Variants in DMXL1 observed in about 807,000 individuals in gnomAD.
The protein encoded by DMXL1 is Dmx like 1, also known as dmX-like protein 1.
In DMXL1, 99 loss-of-function variants were observed where a neutral mutation model predicts 319.2. The ratio of observed to expected loss-of-function variants is 0.31; its 90% CI spans 0.26 to 0.37. The LOEUF is 0.37. Among genes scored for constraint, DMXL1 ranks in the 10% least tolerant of loss-of-function variants. The probability of loss-of-function intolerance (pLI) is 1.00; values close to 1 mark genes in which losing one functional copy is unlikely to be tolerated. For missense variants in DMXL1, 3,745 were observed against 3,595.6 expected (o/e 1.04, Z -1.06); for synonymous variants, 1,385 against 1,235.2 (o/e 1.12, Z -2.54).
intron 38 of DMXL1, among the ~76,000 whole-genome samples, chr5:119,226,552 C>T (rs145333378): frequency 5.1e-4 from 78 of 152,222 alleles, no homozygotes; most frequent in African/African-American, 1.4e-3. Flanking sequence ...TGGCTTTTGT[C>T]CACTCCAAGC....
chr5:119,212,732 T>C (rs1248376832), intron 34 of DMXL1, among the ~76,000 whole-genome samples: 2 of 152,218 alleles, frequency 1.3e-5, no homozygotes, highest in African/African-American at 4.8e-5. Flanking sequence ...AGGAGATCTT[T>C]TAAGACCATA....
intron 1 of DMXL1, among the ~76,000 whole-genome samples, chr5:119,072,334 G>T (rs1004894602): frequency 6.6e-6 from 1 of 152,052 alleles, no homozygotes; most frequent in African/African-American, 2.4e-5. Flanking sequence ...TGTCAGTATA[G>T]TGGCATTTTT....
intron 19 of DMXL1, among the ~76,000 whole-genome samples, chr5:119,162,037 C>G (rs1170426177): frequency 1.3e-5 from 2 of 152,154 alleles, no homozygotes; most frequent in Non-Finnish European, 2.9e-5. Context: ...CGTGAGCTTC[C>G]TGGGAAACAT....
At chr5:119,182,610 A>G (rs1776978456) in intron 28 of DMXL1, among the ~76,000 whole-genome samples, 1 of 151,462 alleles carries the variant, frequency 6.6e-6, no homozygotes, top group Admixed American at 6.6e-5. Flanking sequence ...GTAGTAACAT[A>G]ATATTTAAAG....
At chr5:119,086,880 C>T (rs1753495970) in intron 1 of DMXL1, among the ~76,000 whole-genome samples, 1 of 152,058 alleles carries the variant, frequency 6.6e-6, no homozygotes, top group Non-Finnish European at 1.5e-5. Flanking sequence ...CATCTCATTA[C>T]TCATTATTGA....
intron 9 of DMXL1, among the ~76,000 whole-genome samples, chr5:119,122,226 C>A (rs1388489541): frequency 7.1e-6 from 1 of 140,080 alleles, no homozygotes; most frequent in Non-Finnish European, 1.6e-5. Context: ...CAGAGGCGCC[C>A]CTCACCTCCC....
At position 119,233,359 on chromosome 5, in the gene DMXL1, T is replaced by C. The variant is rs147799455; in HGVS notation, c.8358T>C (p.Asp2786=). 89 of 1,612,788 alleles carry C rather than the reference T, an allele frequency of 5.5e-5. No homozygotes were observed. In the African/African-American group the frequency reaches 1.0e-3, roughly 18 times the overall value. The change falls in exon 39 of 44, where the codon GAT becomes GAC. Residue 2786 remains aspartate, a synonymous_variant. Coordinates refer to ENST00000539542, the MANE Select transcript of DMXL1 (RefSeq NM_001290321.3). The stretch of plus-strand genomic sequence containing the variant: ...ATGCAGATCTGACAGGAGCTCAAGA[T>C]GGAAGTGTCAGAATGTTTGAATGGG... The part of the protein sequence containing the change: ...TLPYYLTGAQ[D]GSVRMFEWGH...
intron 1 of DMXL1, among the ~76,000 whole-genome samples, chr5:119,075,021 CA>C (rs1443325803): frequency 3.0e-4 from 45 of 152,126 alleles, no homozygotes; most frequent in African/African-American, 1.1e-3. Flanking sequence ...CATGGTTTAG[CA>C]CATGTAAAAC....
chr5:119,185,963 C>T (rs559204567), intron 28 of DMXL1, among the ~76,000 whole-genome samples: 1 of 152,258 alleles, frequency 6.6e-6, no homozygotes, highest in South Asian at 2.1e-4. Context: ...TTAGTGTTCA[C>T]GTACATTTGT....
intron 19 of DMXL1, among the ~76,000 whole-genome samples, chr5:119,157,190 GTTAC>G (rs1411631369): frequency 6.6e-6 from 1 of 151,994 alleles, no homozygotes; most frequent in East Asian, 1.9e-4. Flanking sequence ...TTGCTATTGG[GTTAC>G]TTGAGTTCTT....
At chr5:119,107,701 T>G (rs1758663352) in intron 4 of DMXL1, among the ~76,000 whole-genome samples, 1 of 152,182 alleles carries the variant, frequency 6.6e-6, no homozygotes, top group African/African-American at 2.4e-5. Flanking sequence ...CAGTTTATAT[T>G]AAGCAAAAGA....
chr5:119,162,324 G>A (rs575201056), intron 19 of DMXL1, among the ~76,000 whole-genome samples: 85 of 152,244 alleles, frequency 5.6e-4, no homozygotes, highest in African/African-American at 2.0e-3. Context: ...TTTGTGCAGG[G>A]GTGTCTGTCT....
chr5:119,105,997 T>G (rs1269156469), intron 4 of DMXL1, among the ~76,000 whole-genome samples: 2 of 152,058 alleles, frequency 1.3e-5, no homozygotes, highest in African/African-American at 4.8e-5. Context: ...GCTTAAAACA[T>G]CCATCATTTT....
intron 28 of DMXL1, among the ~76,000 whole-genome samples, chr5:119,181,290 A>G (rs1776730285): frequency 1.3e-5 from 2 of 152,194 alleles, no homozygotes; most frequent in Non-Finnish European, 1.5e-5. Context: ...GGAATACTTA[A>G]AACGTATTGT....
At chr5:119,095,875 T>G (rs182730513) in intron 1 of DMXL1, among the ~76,000 whole-genome samples, 39 of 152,318 alleles carry the variant, frequency 2.6e-4, no homozygotes, top group African/African-American at 9.4e-4. Flanking sequence ...TTTCACTTTG[T>G]GAAACTAGTG....
chr5:119,146,248 C>G (rs912719611), intron 15 of DMXL1, among the ~76,000 whole-genome samples: 5 of 151,760 alleles, frequency 3.3e-5, no homozygotes, highest in African/African-American at 4.8e-5. Flanking sequence ...ATGAAGAAAA[C>G]TTGGATTAAA....
rs541777123 is a variant in DMXL1 at position 119,237,180 on chromosome 5, T to A, written c.8467-142T>A. ...TAGCTGAATGTTTTTCTGAAATAGATCCATGTATAGGTGAAGTGAAAAATC... is the reference window on the plus strand; with the variant it reads ...TAGCTGAATGTTTTTCTGAAATAGAACCATGTATAGGTGAAGTGAAAAATC... On this transcript the variant is annotated intron_variant, in intron 39 of 43. Transcript: ENST00000539542. 54 of 442,016 alleles carry A rather than the reference T, an allele frequency of 1.2e-4. No homozygotes were observed. The Admixed American group carries it at 1.6e-3, about 13-fold the overall frequency. The allele number at this position is 442,016 out of a possible 1,614,324, so 27.4% of individuals were successfully genotyped here.
At chr5:119,097,612 G>A (rs766025196) in intron 1 of DMXL1, among the ~76,000 whole-genome samples, 34 of 152,178 alleles carry the variant, frequency 2.2e-4, no homozygotes, top group Non-Finnish European at 4.4e-4. Flanking sequence ...AGCTACTCAG[G>A]AAATTGAGGC....
chr5:119,246,588 G>A (rs974124816), intron 43 of DMXL1, among the ~76,000 whole-genome samples: 3 of 151,296 alleles, frequency 2.0e-5, no homozygotes, highest in Non-Finnish European at 4.4e-5. Flanking sequence ...TTACTGCACA[G>A]GAATGCAGGC....
Sources: allele counts gnomAD v4.1 joint callset (sites outside exome capture counted in the v4.1 genomes callset), GRCh38; gene constraint gnomAD v4.1.1; transcripts MANE v1.5; gene names NCBI Gene and HGNC (gene_info 2026-07-23, HGNC 2026-07-21).